Variants in SNTG1 observed in about 807,000 individuals in gnomAD.
The protein encoded by SNTG1 is syntrophin gamma 1.
A neutral mutation model predicts 74.7 loss-of-function variants in SNTG1; 39 were observed. The observed-to-expected ratio is 0.52, with a 90% CI of 0.40 to 0.68. The LOEUF is 0.68. Ranked by LOEUF, SNTG1 falls within the 30% of genes least tolerant of loss-of-function variation. The pLI is 0.00. For synonymous variants in SNTG1, 254 were observed against 217.1 expected, an observed-to-expected ratio of 1.17 and a Z score of -1.49; for missense variants, 685 against 609.5, an observed-to-expected ratio of 1.12 and a Z score of -1.30.
chr8:49,962,042 G>T (rs1810734097), intron 1 of SNTG1, among the ~76,000 whole-genome samples: 2 of 152,158 alleles, frequency 1.3e-5, no homozygotes, highest in Non-Finnish European at 2.9e-5. Flanking sequence ...TGCTCCCAGG[G>T]CCTCCCTGGG....
chr8:50,581,705 T>G (rs904291116), intron 12 of SNTG1, among the ~76,000 whole-genome samples: 1 of 152,096 alleles, frequency 6.6e-6, no homozygotes, highest in Non-Finnish European at 1.5e-5. Context: ...GAAGGGGAAA[T>G]GGAAGCTTTT....
At chr8:50,361,966 T>C (rs1236817812) in intron 2 of SNTG1, among the ~76,000 whole-genome samples, 3 of 152,214 alleles carry the variant, frequency 2.0e-5, no homozygotes, top group Non-Finnish European at 4.4e-5. Context: ...GCACTCATGC[T>C]GAGCAGAGTT....
chr8:50,724,828 G>T (rs1264182412), intron 17 of SNTG1, among the ~76,000 whole-genome samples: 1 of 152,130 alleles, frequency 6.6e-6, no homozygotes, highest in Admixed American at 6.5e-5. Context: ...TAAAGGTTTA[G>T]ATGAATTTAT....
rs556769015 is a variant in SNTG1 at position 50,730,860 on chromosome 8, T to G, written c.1285-21141T>G. 2.0e-5 allele frequency among the ~76,000 whole-genome samples: 3 copies of G among 152,234 alleles called. No individual in the cohort carries two copies. The South Asian group carries it at 6.2e-4, about 32-fold the overall frequency. On this transcript the variant is annotated intron_variant, in intron 17 of 18. Coordinates refer to ENST00000642720, the MANE Select transcript of SNTG1 (RefSeq NM_018967.5). ...AGTTTGCCATCAGCTTACTGTTCTA[T>G]TGGAAGAACGCTACTAAACTAGTTT... is the stretch of plus-strand genomic sequence containing the variant.
At chr8:50,172,120 C>T (rs1478821888) in intron 1 of SNTG1, among the ~76,000 whole-genome samples, 2 of 152,156 alleles carry the variant, frequency 1.3e-5, no homozygotes, top group Non-Finnish European at 2.9e-5. Flanking sequence ...ACTGAGTTAA[C>T]AGCTAAGTCT....
chr8:50,533,750 T>C (rs1471156864), intron 10 of SNTG1, among the ~76,000 whole-genome samples: 1 of 152,136 alleles, frequency 6.6e-6, no homozygotes, highest in Non-Finnish European at 1.5e-5. Flanking sequence ...ATATTTCTTA[T>C]AAAGAAGAAA....
chr8:50,660,938 A>T (rs148137998), intron 15 of SNTG1, among the ~76,000 whole-genome samples: 9 of 152,284 alleles, frequency 5.9e-5, no homozygotes, highest in Non-Finnish European at 8.8e-5. Flanking sequence ...CCTTAAAAAC[A>T]CTGATAACTT....
intron 2 of SNTG1, among the ~76,000 whole-genome samples, chr8:50,292,719 G>A (rs572464829): frequency 5.3e-5 from 8 of 152,256 alleles, no homozygotes; most frequent in East Asian, 1.9e-4. Flanking sequence ...GAGAGGCTCC[G>A]TGAGTTTAAT....
chr8:50,411,991 G>C (rs889284969), intron 4 of SNTG1, among the ~76,000 whole-genome samples: 1 of 152,166 alleles, frequency 6.6e-6, no homozygotes, highest in Admixed American at 6.5e-5. Context: ...TGCAGTTGGA[G>C]GTGTTGGTGT....
intron 2 of SNTG1, among the ~76,000 whole-genome samples, chr8:50,217,196 T>A (rs1182985176): frequency 6.6e-6 from 1 of 152,052 alleles, no homozygotes; most frequent in Non-Finnish European, 1.5e-5. Flanking sequence ...TAAATATTAC[T>A]CATTTATGAA....
intron 1 of SNTG1, among the ~76,000 whole-genome samples, chr8:50,131,646 G>T (rs2081321827): frequency 6.6e-6 from 1 of 151,932 alleles, no homozygotes; most frequent in South Asian, 2.1e-4. Flanking sequence ...AATGAACATG[G>T]GAGTATGATT....
intron 15 of SNTG1, among the ~76,000 whole-genome samples, chr8:50,670,699 G>T (rs1302090610): frequency 6.9e-6 from 1 of 144,878 alleles, no homozygotes; most frequent in Non-Finnish European, 1.5e-5. Context: ...CTACTTTAAA[G>T]TTCATATGGA....
chr8:50,112,408 A>G (rs1456717850), intron 1 of SNTG1, among the ~76,000 whole-genome samples: 1 of 151,986 alleles, frequency 6.6e-6, no homozygotes, highest in Non-Finnish European at 1.5e-5. Context: ...CAATACAGCA[A>G]TTGGATCTAA....
At chr8:50,788,496 C>T (rs1216437646) in intron 18 of SNTG1, among the ~76,000 whole-genome samples, 1 of 151,906 alleles carries the variant, frequency 6.6e-6, no homozygotes, top group East Asian at 1.9e-4. Flanking sequence ...GTTATTGACC[C>T]ACTTATGCCA....
intron 8 of SNTG1, among the ~76,000 whole-genome samples, chr8:50,501,765 C>T (rs1192035904): frequency 6.6e-6 from 1 of 151,774 alleles, no homozygotes; most frequent in African/African-American, 2.4e-5. Context: ...GCCATCTGTG[C>T]CATCTTGTCA....
intron 15 of SNTG1, among the ~76,000 whole-genome samples, chr8:50,672,394 G>A (rs1468225928): frequency 6.6e-6 from 1 of 151,982 alleles, no homozygotes; most frequent in Non-Finnish European, 1.5e-5. Context: ...GCATGAGATG[G>A]TATCTCATTG....
intron 1 of SNTG1, among the ~76,000 whole-genome samples, chr8:50,026,347 GA>G: frequency 6.6e-6 from 1 of 152,206 alleles, no homozygotes; most frequent in African/African-American, 2.4e-5. Flanking sequence ...ATGTTGTTTT[GA>G]ACTAGTTAAG....
intron 5 of SNTG1, among the ~76,000 whole-genome samples, chr8:50,442,259 G>A (rs2093364266): frequency 6.6e-6 from 1 of 152,130 alleles, no homozygotes; most frequent in African/African-American, 2.4e-5. Flanking sequence ...TTTCATTGCT[G>A]TTTAGCAACT....
At position 50,106,902 on chromosome 8, in the gene SNTG1, A is replaced by G. The variant is rs574682859; in HGVS notation, c.-102-65659A>G. 4.6e-5 allele frequency among the ~76,000 whole-genome samples: 7 copies of G among 152,322 alleles called. No individual in the cohort carries two copies. In the South Asian group the frequency reaches 1.4e-3, roughly 32 times the overall value. On this transcript the variant is annotated intron_variant, in intron 1 of 18. Transcript: ENST00000642720. The stretch of plus-strand genomic sequence containing the variant: ...CTGAAAATCATTATATAATCACAAT[A>G]GCAATTCATACTGCCATAAACAGGT...
Sources: allele counts gnomAD v4.1 joint callset (sites outside exome capture counted in the v4.1 genomes callset), GRCh38; gene constraint gnomAD v4.1.1; transcripts MANE v1.5; gene names NCBI Gene and HGNC (gene_info 2026-07-23, HGNC 2026-07-21).